GABBR2: variants seen among roughly 807,000 people sequenced by gnomAD.
GABBR2 encodes the protein gamma-aminobutyric acid type B receptor subunit 2, also known as G-protein coupled receptor 51.
GABBR2 carries 23 observed loss-of-function variants against 105.6 expected under a neutral mutation model. The observed-to-expected ratio is 0.22, with a 90% CI of 0.16 to 0.31. The LOEUF (loss-of-function observed/expected upper bound fraction) is 0.31, where lower values mean the gene tolerates loss of function less well. Among genes scored for constraint, GABBR2 ranks in the 10% least tolerant of loss-of-function variants. The pLI is 1.00. For missense variants in GABBR2, 734 were observed against 1,245.5 expected, an observed-to-expected ratio of 0.59 and a Z score of 6.18; for synonymous variants, 478 against 499.7, an observed-to-expected ratio of 0.96 and a Z score of 0.58.
Position 98,398,979 on chromosome 9 carries a change from G to A in GABBR2, c.1298-4724C>T, listed in dbSNP as rs111726692. On this transcript the variant is annotated intron_variant, in intron 8 of 18. Transcript: ENST00000259455. ...CAAGGACAAGAGCTAAGTACCTGAG[G>A]GGACCCAGGTCATATGCAATAGGCT... Among the ~76,000 whole-genome samples the A allele has an allele frequency of 5.3e-3, 808 of 152,260 alleles. 10 individuals carry two copies. The highest frequency in any genetic ancestry group is 0.018 in the African/African-American group (766 of 41,538).
rs759957563 is a variant in GABBR2 at position 98,371,581 on chromosome 9, A to G, written c.1663-10T>C. ...GAATCCAGGTCCTGACCTAGAGGCC[A>G]TGAGAAAACAGAGGCATTGACCTTC... On this transcript the variant is annotated splice_polypyrimidine_tract_variant and intron_variant, in intron 11 of 18. Coordinates refer to ENST00000259455, the MANE Select transcript of GABBR2 (RefSeq NM_005458.8). The G allele has an allele frequency of 3.3e-6, 5 of 1,496,846 alleles. No individual in the cohort carries two copies. Among genetic ancestry groups the G allele is most frequent in the Non-Finnish European group, 4.7e-6 (5 of 1,073,074 alleles). 92.7% of individuals were successfully genotyped at this position (1,496,846 alleles called of 1,614,324 possible).
At chr9:98,325,239 G>T (rs545842406) in intron 13 of GABBR2, among the ~76,000 whole-genome samples, 52 of 149,918 alleles carry the variant, frequency 3.5e-4, no homozygotes, top group African/African-American at 1.2e-3. Flanking sequence ...ACTGTCCCAG[G>T]ATCTGTCCTC....
chr9:98,578,105 A>G, intron 1 of GABBR2, 33 bp from the exon 2 acceptor site: 1 of 1,611,568 alleles, frequency 6.2e-7, no homozygotes, highest in Non-Finnish European at 8.5e-7. Context: ...AAAGGTCCAA[A>G]TTAGAAACAG....
chr9:98,527,523 G>A (rs1279524608), intron 3 of GABBR2, among the ~76,000 whole-genome samples: 1 of 152,086 alleles, frequency 6.6e-6, no homozygotes, highest in Non-Finnish European at 1.5e-5. Flanking sequence ...CCAGTCATAA[G>A]ATGTGGATAT....
intron 3 of GABBR2, among the ~76,000 whole-genome samples, chr9:98,522,551 G>A (rs752717897): frequency 1.5e-4 from 23 of 152,172 alleles, no homozygotes; most frequent in Non-Finnish European, 3.1e-4. Flanking sequence ...CAACATTGAT[G>A]TAATGTCTAG....
intron 11 of GABBR2, among the ~76,000 whole-genome samples, chr9:98,378,072 C>T (rs1170623451): frequency 6.6e-6 from 1 of 152,208 alleles, no homozygotes; most frequent in Non-Finnish European, 1.5e-5. Context: ...AAGAAAACCC[C>T]ATGCAACAAC....
intron 1 of GABBR2, among the ~76,000 whole-genome samples, chr9:98,679,366 C>T (rs951901050): frequency 8.5e-5 from 13 of 152,186 alleles, no homozygotes; most frequent in African/African-American, 2.7e-4. Flanking sequence ...ATTCACAAAT[C>T]CAAGTTTTCT....
intron 1 of GABBR2, among the ~76,000 whole-genome samples, chr9:98,659,789 G>A (rs1470550538): frequency 7.3e-5 from 11 of 151,498 alleles, no homozygotes; most frequent in African/African-American, 2.4e-4. Context: ...CCAAAGTGTT[G>A]GGATTACAGG....
Position 98,708,501 on chromosome 9 carries a change from G to A in GABBR2, c.237C>T (p.Pro79=), listed in dbSNP as rs757037079. 4.4e-6 allele frequency: 7 copies of A among 1,596,354 alleles called. No individual in the cohort carries two copies. The highest frequency in any genetic ancestry group is 6.0e-6 in the Non-Finnish European group (7 of 1,172,698). ...TCTGCTCGATGGCCAGTTCCACGGCGGGGAGCACACCGCGCCCGATGCTGC... is the reference window on the plus strand; with the variant it reads ...TCTGCTCGATGGCCAGTTCCACGGCAGGGAGCACACCGCGCCCGATGCTGC... ...AKGSIGRGVL[P]AVELAIEQIR... The change falls in exon 1 of 19, where the codon CCC becomes CCT. Residue 79 remains proline (P), a synonymous_variant. Transcript: ENST00000259455.
At chr9:98,499,339 T>G (rs911542915) in intron 3 of GABBR2, among the ~76,000 whole-genome samples, 2 of 152,226 alleles carry the variant, frequency 1.3e-5, no homozygotes, top group African/African-American at 4.8e-5. Context: ...CCTCCCCTCA[T>G]TTCACAGATG....
chr9:98,575,629 C>T (rs1564119146), intron 2 of GABBR2, among the ~76,000 whole-genome samples: 1 of 152,174 alleles, frequency 6.6e-6, no homozygotes, highest in Non-Finnish European at 1.5e-5. Flanking sequence ...TTCAGGAAAG[C>T]AAGCTCAAGC....
rs1829159018 is a variant in GABBR2, at chr9:98,592,367, T to C, written c.322-14295A>G. Among the ~76,000 whole-genome samples, 4 of 152,242 alleles carry C rather than the reference T, an allele frequency of 2.6e-5. No homozygotes were observed. In the South Asian group the frequency reaches 8.3e-4, roughly 31 times the overall value. On this transcript the variant is annotated intron_variant, in intron 1 of 18. Coordinates refer to ENST00000259455, the MANE Select transcript of GABBR2 (RefSeq NM_005458.8). ...ACATATCCAGCTAACATTTATTTAA[T>C]ACTGACCTATGTGCTAGGAAATAAG... is the stretch of plus-strand genomic sequence containing the variant.
intron 3 of GABBR2, among the ~76,000 whole-genome samples, chr9:98,520,424 C>A (rs1382651510): frequency 6.6e-6 from 1 of 152,206 alleles, no homozygotes; most frequent in African/African-American, 2.4e-5. Context: ...CCGGAAGGAG[C>A]AGATGTGTGG....
chr9:98,331,367 T>G (rs1831021282), intron 13 of GABBR2, among the ~76,000 whole-genome samples: 1 of 151,810 alleles, frequency 6.6e-6, no homozygotes, highest in African/African-American at 2.4e-5. Context: ...CTATTTGTTC[T>G]TTGAAGACTT....
At chr9:98,313,670 T>C (rs1226923041) in intron 13 of GABBR2, among the ~76,000 whole-genome samples, 1 of 152,150 alleles carries the variant, frequency 6.6e-6, no homozygotes, top group Non-Finnish European at 1.5e-5. Flanking sequence ...GTTCAGGATG[T>C]TATATTCTGA....
intron 1 of GABBR2, among the ~76,000 whole-genome samples, chr9:98,626,062 C>A (rs1228126202): frequency 6.6e-6 from 1 of 152,200 alleles, no homozygotes; most frequent in Non-Finnish European, 1.5e-5. Flanking sequence ...GGAGAAGAAG[C>A]ACTGCAGCCG....
intron 1 of GABBR2, among the ~76,000 whole-genome samples, chr9:98,640,486 C>T (rs925627630): frequency 6.6e-6 from 1 of 152,078 alleles, no homozygotes; most frequent in Admixed American, 6.5e-5. Flanking sequence ...CTCTGATGCC[C>T]CAGGTCCTGC....
intron 1 of GABBR2, among the ~76,000 whole-genome samples, chr9:98,591,340 G>T (rs1829141959): frequency 6.6e-6 from 1 of 152,206 alleles, no homozygotes; most frequent in South Asian, 2.1e-4. Context: ...ATGGAGAAGG[G>T]ATGGGTGGGT....
chr9:98,483,694 C>G (rs986162163), intron 4 of GABBR2, among the ~76,000 whole-genome samples: 1 of 152,166 alleles, frequency 6.6e-6, no homozygotes, highest in African/African-American at 2.4e-5. Context: ...GTGCCCTTCC[C>G]TCTCCTCCCA....
Sources: gnomAD v4.1 joint callset for allele counts (sites outside exome capture counted in the v4.1 genomes callset) on GRCh38, gnomAD v4.1.1 for gene constraint, MANE v1.5 for transcripts, NCBI Gene and HGNC (gene_info 2026-07-23, HGNC 2026-07-21) for gene names.